Variants in KNTC1 observed in about 807,000 individuals in gnomAD.
KNTC1 encodes the protein kinetochore associated 1.
Under a neutral mutation model 314.4 loss-of-function variants are expected in KNTC1, and 253 were observed. The observed-to-expected ratio is 0.80, with a 90% CI of 0.73 to 0.89. The LOEUF is 0.89. KNTC1 is among the 40% of genes least tolerant of loss of function. The probability of loss-of-function intolerance (pLI) is 0.00; values close to 1 mark genes in which losing one functional copy is unlikely to be tolerated. For synonymous variants in KNTC1, 901 were observed against 901.4 expected (o/e 1.00, Z 0.01); for missense variants, 2,475 against 2,572.9 (o/e 0.96, Z 0.82).
chr12:122,538,997 G>T (rs528868414), intron 4 of KNTC1, among the ~76,000 whole-genome samples: 1 of 152,230 alleles, frequency 6.6e-6, no homozygotes, highest in Non-Finnish European at 1.5e-5. Flanking sequence ...CAGCTGGCTG[G>T]ATCTGGTCAG....
At chr12:122,564,999 G>T (rs1166872402) in intron 20 of KNTC1, among the ~76,000 whole-genome samples, 3 of 152,026 alleles carry the variant, frequency 2.0e-5, no homozygotes, top group Admixed American at 6.6e-5. Flanking sequence ...TCCAAACTTG[G>T]CTTCCAAAGC....
intron 62 of KNTC1, among the ~76,000 whole-genome samples, chr12:122,623,111 A>G (rs898062628): frequency 6.6e-6 from 1 of 152,304 alleles, no homozygotes; most frequent in East Asian, 1.9e-4. Context: ...GAATCTGACA[A>G]TTAAACAGGT....
At chr12:122,546,779 G>T in intron 10 of KNTC1, 105 bp downstream of exon 10, 1 of 631,830 alleles carries the variant, frequency 1.6e-6, no homozygotes, top group Non-Finnish European at 2.7e-6. Flanking sequence ...TAACTATCTT[G>T]TGTACTGTGC....
chr12:122,597,871 T>G lies in KNTC1; in HGVS notation c.4496T>G (p.Leu1499Arg), dbSNP rs1275307801. The G allele has an allele frequency of 6.2e-7, 1 of 1,614,054 alleles. No homozygotes were observed. Among genetic ancestry groups the G allele is most frequent in the Admixed American group, 1.7e-5 (1 of 60,018 alleles). Residue 1499 changes from leucine to arginine, a missense_variant, in exon 44 of 64, where the codon CTT becomes CGT. By Grantham distance (102) the Leu-to-Arg change is moderately radical (BLOSUM62 -2). Transcript: ENST00000333479. ...CATCCCAAACTCCTGGCCAAAGCCCTTGAGATGGTTCCTTTACTGACGAGC... is the reference window on the plus strand; with the variant it reads ...CATCCCAAACTCCTGGCCAAAGCCCGTGAGATGGTTCCTTTACTGACGAGC... ...RRHPKLLAKA[L>R]EMVPLLTSTK...
chr12:122,587,822 C>T lies in KNTC1; in HGVS notation c.3842C>T (p.Thr1281Ile). ...AGATTTGTGGTTGGTTCATTTGGTA[C>T]CTGTCTTCAGCACTCTGTGTCAAAC... is the stretch of plus-strand genomic sequence containing the variant. ...ALRFVVGSFG[T>I]CLQHSVSNFM... is the part of the protein sequence containing the mutation. Residue 1281 changes from threonine (T) to isoleucine (I), a missense_variant, in exon 39 of 64, where the codon ACC (threonine) becomes ATC (isoleucine). By Grantham distance (89) the Thr-to-Ile change is moderately conservative. Coordinates refer to ENST00000333479, the MANE Select transcript of KNTC1 (RefSeq NM_014708.6). 6.2e-7 allele frequency: 1 copy of T among 1,613,806 alleles called. No individual in the cohort carries two copies. Among genetic ancestry groups the T allele is most frequent in the Non-Finnish European group, 8.5e-7 (1 of 1,179,792 alleles).
chr12:122,539,559 A>G, intron 4 of KNTC1, 117 bp from the exon 5 acceptor site: 4 of 688,138 alleles, frequency 5.8e-6, no homozygotes, highest in Non-Finnish European at 4.7e-6. Context: ...TAAGATGTTT[A>G]GAATATAGGC....
At chr12:122,540,018 G>C (rs1407911116) in intron 5 of KNTC1, among the ~76,000 whole-genome samples, 1 of 151,780 alleles carries the variant, frequency 6.6e-6, no homozygotes, top group Non-Finnish European at 1.5e-5. Flanking sequence ...GACCTCAAGT[G>C]AGTGATCCAC....
chr12:122,607,987 G>A (rs1332569620), intron 51 of KNTC1, among the ~76,000 whole-genome samples: 6 of 152,084 alleles, frequency 3.9e-5, no homozygotes, highest in African/African-American at 9.7e-5. Flanking sequence ...CAGATCTTCT[G>A]TATCATTTCT....
rs1323493661 is a variant in KNTC1 at position 122,624,609 on chromosome 12, C to T, written c.6527C>T (p.Ala2176Val). The T allele has an allele frequency of 1.3e-5, 21 of 1,610,566 alleles. No homozygotes were observed. Among genetic ancestry groups the T allele is most frequent in the Non-Finnish European group, 1.8e-5 (21 of 1,177,128 alleles). ...TTTTGATTTTGTAGTTTAGATGAAGCTTCAGTCTTGATAACTGAATATTCA... is the reference window on the plus strand; with the variant it reads ...TTTTGATTTTGTAGTTTAGATGAAGTTTCAGTCTTGATAACTGAATATTCA... Reference protein sequence around the residue: ...YLANDLSLDEASVLITEYSKH... With the variant: ...YLANDLSLDEVSVLITEYSKH... Residue 2176 changes from alanine to valine, a missense_variant, in exon 63 of 64, where the codon GCT becomes GTT. Ala to Val is a moderately conservative substitution (Grantham distance 64). Transcript: ENST00000333479.
intron 59 of KNTC1, 99 bp downstream of exon 59, chr12:122,618,644 G>GCTTAACTTCCTAACA: frequency 1.1e-6 from 1 of 901,106 alleles, no homozygotes; most frequent in Non-Finnish European, 1.8e-6. Context: ...TTTTTGTTAG[G>GCTTAACTTCCTAACA]AAGTTAAGCA....
Position 122,558,863 on chromosome 12 carries a change from T to C in KNTC1, c.1488+1174T>C, listed in dbSNP as rs556545763. On this transcript the variant is annotated intron_variant, in intron 18 of 63. Coordinates refer to ENST00000333479, the MANE Select transcript of KNTC1 (RefSeq NM_014708.6). Reference sequence around the variant, plus strand: ...AGCAGCCTGGGCAACAGAGTGAGACTCTTATCAAAAAACAAAAGAAAACAA... The same window carrying C: ...AGCAGCCTGGGCAACAGAGTGAGACCCTTATCAAAAAACAAAAGAAAACAA... Among the ~76,000 whole-genome samples the C allele has an allele frequency of 6.6e-5, 10 of 152,196 alleles. No individual in the cohort carries two copies. In the South Asian group the frequency reaches 2.1e-3, roughly 32 times the overall value.
At chr12:122,607,714 A>G (rs1158375810) in intron 51 of KNTC1, among the ~76,000 whole-genome samples, 2 of 152,130 alleles carry the variant, frequency 1.3e-5, no homozygotes, top group African/African-American at 4.8e-5. Context: ...ACAATATTCC[A>G]TTCCTCTTCC....
At chr12:122,614,660 C>T (rs949265701) in intron 55 of KNTC1, among the ~76,000 whole-genome samples, 9 of 151,976 alleles carry the variant, frequency 5.9e-5, no homozygotes, top group African/African-American at 2.2e-4. Context: ...GCAGGTAGAG[C>T]ACTTCAGGTC....
intron 19 of KNTC1, among the ~76,000 whole-genome samples, 167 bp from the exon 20 acceptor site, chr12:122,562,471 G>A (rs1340645134): frequency 5.3e-5 from 8 of 150,204 alleles, no homozygotes; most frequent in African/African-American, 2.0e-4. Context: ...GTGTGTGTGT[G>A]TGTGTGTGTA....
chr12:122,561,278 G>A (rs1245380150), intron 18 of KNTC1, among the ~76,000 whole-genome samples: 1 of 151,296 alleles, frequency 6.6e-6, no homozygotes, highest in East Asian at 1.9e-4. Context: ...TTGGGCCACT[G>A]CACTCCAACC....
chr12:122,609,499 T>C, intron 52 of KNTC1, 69 bp downstream of exon 52: 1 of 1,060,858 alleles, frequency 9.4e-7, no homozygotes, highest in Admixed American at 2.9e-5. Context: ...AGTACATTTT[T>C]CAGCAGTTGA....
At chr12:122,615,641 G>A (rs34023619) in intron 57 of KNTC1, 115 bp downstream of exon 57, 52,282 of 1,013,174 alleles carry the variant, frequency 0.052, 1,591 homozygotes, top group Non-Finnish European at 0.063. Flanking sequence ...ACAGAACTGA[G>A]CCAAGTACAG....
intron 20 of KNTC1, among the ~76,000 whole-genome samples, chr12:122,564,823 C>T (rs1964200228): frequency 6.6e-6 from 1 of 152,074 alleles, no homozygotes. Flanking sequence ...CAGATTCTTA[C>T]CATATCTTCT....
intron 18 of KNTC1, among the ~76,000 whole-genome samples, chr12:122,559,817 TG>T (rs1963860016): frequency 6.6e-6 from 1 of 152,202 alleles, no homozygotes; most frequent in African/African-American, 2.4e-5. Flanking sequence ...TCAAATGATC[TG>T]CCTGTTTTGG....
Sources: allele counts gnomAD v4.1 joint callset (sites outside exome capture counted in the v4.1 genomes callset), GRCh38; gene constraint gnomAD v4.1.1; transcripts MANE v1.5; gene names NCBI Gene and HGNC (gene_info 2026-07-23, HGNC 2026-07-21).